Variants in RPS21 observed in about 807,000 individuals in gnomAD.
The protein encoded by RPS21 is small ribosomal subunit protein eS21.
Under a neutral mutation model 14.5 loss-of-function variants are expected in RPS21, and 6 were observed. The ratio of observed to expected loss-of-function variants is 0.41; its 90% CI spans 0.23 to 0.82. The LOEUF is 0.82. RPS21 is among the 40% of genes least tolerant of loss of function. The pLI, the probability that RPS21 is intolerant of heterozygous loss-of-function variation, is 0.31. For missense variants in RPS21, 85 were observed against 115.0 expected, an observed-to-expected ratio of 0.74 and a Z score of 1.19; for synonymous variants, 61 against 42.6, an observed-to-expected ratio of 1.43 and a Z score of -1.69.
Position 62,387,128 on chromosome 20 carries a change from T to G in RPS21, c.-27T>G. ...CCTTTCTCTCTCGCGCGCGGTGTGGTGGCAGCAGGTGTGGCGCGCGGCGCG... is the reference window on the plus strand; with the variant it reads ...CCTTTCTCTCTCGCGCGCGGTGTGGGGGCAGCAGGTGTGGCGCGCGGCGCG... On this transcript the variant is annotated 5_prime_UTR_variant, in exon 1 of 6. Coordinates refer to ENST00000343986, the MANE Select transcript of RPS21 (RefSeq NM_001024.4). 1 of 477,844 alleles carries G rather than the reference T, an allele frequency of 2.1e-6. No individual in the cohort carries two copies. Among genetic ancestry groups the G allele is most frequent in the Non-Finnish European group, 3.7e-6 (1 of 273,392 alleles). 29.6% of individuals were successfully genotyped at this position (477,844 alleles called of 1,614,324 possible). A position where few individuals can be genotyped will look rare whatever the true frequency, so the allele number is the denominator to read the frequency against.
intron 3 of RPS21, 75 bp downstream of exon 3, chr20:62,387,749 G>T: frequency 6.2e-7 from 1 of 1,614,066 alleles, no homozygotes; most frequent in Non-Finnish European, 8.5e-7. Flanking sequence ...TTGTGGAGGA[G>T]CCCCTGGGGT....
At chr20:62,387,717 G>A in intron 3 of RPS21, 43 bp downstream of exon 3, 2 of 1,614,140 alleles carry the variant, frequency 1.2e-6, no homozygotes, top group Non-Finnish European at 8.5e-7. Flanking sequence ...TGATATATGT[G>A]CGGGAAAGGC....
At position 62,387,394 on chromosome 20, in the gene RPS21, C is replaced by T. The variant is rs754565364; in HGVS notation, c.50+6C>T. 3 of 1,607,790 alleles carry T rather than the reference C, an allele frequency of 1.9e-6. No individual in the cohort carries two copies. The highest frequency in any genetic ancestry group is 2.5e-6 in the Non-Finnish European group (3 of 1,177,222). On this transcript the variant is annotated splice_donor_region_variant and intron_variant, in intron 2 of 5. Coordinates refer to ENST00000343986, the MANE Select transcript of RPS21 (RefSeq NM_001024.4). ...CTGTACGTGCCGCGGAAATGGTAAG[C>T]GCCCCCCACATGCCTCTCTTCCGTC...
At position 62,387,133 on chromosome 20, in the gene RPS21, G is replaced by A; in HGVS notation, c.-22G>A. ...CTCTCTCGCGCGCGGTGTGGTGGCA[G>A]CAGGTGTGGCGCGCGGCGCGGGCTT... is the stretch of plus-strand genomic sequence containing the variant. On this transcript the variant is annotated 5_prime_UTR_variant, in exon 1 of 6. Transcript: ENST00000343986. 2.0e-6 allele frequency: 1 copy of A among 488,158 alleles called. No homozygotes were observed. The allele number at this position is 488,158 out of a possible 1,614,324, so 30.2% of individuals were successfully genotyped here.
rs6121395 is a variant in RPS21 at position 62,388,132 on chromosome 20, G to A, written c.187-177G>A. The A allele has an allele frequency of 2.0e-5, 30 of 1,488,736 alleles. No homozygotes were observed. In the Middle Eastern group the frequency reaches 6.2e-4, roughly 31 times the overall value. 92.2% of individuals were successfully genotyped at this position (1,488,736 alleles called of 1,614,324 possible). A position where few individuals can be genotyped will look rare whatever the true frequency, so the allele number is the denominator to read the frequency against. ...GCCTCTCACTAGGAGGTGCCCCCCC[G>A]ACCCCGCTCCACCATAGTCAGGCTG... On this transcript the variant is annotated intron_variant, in intron 4 of 5. Coordinates refer to ENST00000343986, the MANE Select transcript of RPS21 (RefSeq NM_001024.4).
chr20:62,387,403 CAT>C lies in RPS21; in HGVS notation c.50+16_50+17del. 6.2e-7 allele frequency: 1 copy of C among 1,608,210 alleles called. No homozygotes were observed. Among genetic ancestry groups the C allele is most frequent in the Non-Finnish European group, 8.5e-7 (1 of 1,177,348 alleles). ...CCGCGGAAATGGTAAGCGCCCCCCA[CAT>C]GCCTCTCTTCCGTCCTTACCTAACC... On this transcript the variant is annotated intron_variant, in intron 2 of 5. Coordinates refer to ENST00000343986, the MANE Select transcript of RPS21 (RefSeq NM_001024.4).
intron 3 of RPS21, 34 bp from the exon 4 acceptor site, chr20:62,387,809 G>T (rs780730083): frequency 1.3e-5 from 21 of 1,613,738 alleles, no homozygotes; most frequent in Non-Finnish European, 1.8e-5. Context: ...CCCAAACCTG[G>T]GGGAGTGGTT....
At position 62,388,094 on chromosome 20, in the gene RPS21, G is replaced by A. The variant is rs1288380374; in HGVS notation, c.186+180G>A. On this transcript the variant is annotated intron_variant, in intron 4 of 5. Coordinates refer to ENST00000343986, the MANE Select transcript of RPS21 (RefSeq NM_001024.4). Reference sequence around the variant, plus strand: ...GAGGGGTGCTCTGAGAAGACACTCAGGCAGCAGACTCTGCCTCTCACTAGG... The same window carrying A: ...GAGGGGTGCTCTGAGAAGACACTCAAGCAGCAGACTCTGCCTCTCACTAGG... 3 of 1,534,402 alleles carry A rather than the reference G, an allele frequency of 2.0e-6. No individual in the cohort carries two copies. In the African/African-American group the frequency reaches 4.1e-5, roughly 21 times the overall value.
Position 62,387,671 on chromosome 20 carries a change from C to T in RPS21, c.111C>T (p.Ala37=). ...KDHASIQMNV[A]EVDKVTGRFN... The stretch of plus-strand genomic sequence containing the variant: ...ACGCATCCATCCAGATGAACGTGGC[C>T]GAGGTGAGCTGGGAGCCCGGGAGGC... The change falls in exon 3 of 6, where the codon GCC becomes GCT. Residue 37 remains alanine, a synonymous_variant. Transcript: ENST00000343986. 6.2e-7 allele frequency: 1 copy of T among 1,614,018 alleles called. No homozygotes were observed. Among genetic ancestry groups the T allele is most frequent in the Non-Finnish European group, 8.5e-7 (1 of 1,180,014 alleles).
At chr20:62,387,419 C>T (rs763319303) in intron 2 of RPS21, 31 bp downstream of exon 2, 4 of 1,607,076 alleles carry the variant, frequency 2.5e-6, no homozygotes, top group East Asian at 4.5e-5. Context: ...TCTCTTCCGT[C>T]CTTACCTAAC....
At chr20:62,388,019 T>C in intron 4 of RPS21, 105 bp downstream of exon 4, 1 of 1,604,848 alleles carries the variant, frequency 6.2e-7, no homozygotes, top group Non-Finnish European at 8.5e-7. Flanking sequence ...GGCAGAGTAG[T>C]TTGAGCCAGC....
At position 62,387,357 on chromosome 20, in the gene RPS21, G is replaced by C. The variant is rs765716910; in HGVS notation, c.19G>C (p.Glu7Gln). Reference sequence around the variant, plus strand: ...CCTCGAAATGCAGAACGACGCCGGCGAGTTCGTGGACCTGTACGTGCCGCG... The same window carrying C: ...CCTCGAAATGCAGAACGACGCCGGCCAGTTCGTGGACCTGTACGTGCCGCG... MQNDAG[E>Q]FVDLYVPRKC... Residue 7 changes from glutamate (E) to glutamine (Q), a missense_variant, in exon 2 of 6, where the codon GAG becomes CAG. Coordinates refer to ENST00000343986, the MANE Select transcript of RPS21 (RefSeq NM_001024.4). 6.2e-7 allele frequency: 1 copy of C among 1,606,526 alleles called. No individual in the cohort carries two copies. Among genetic ancestry groups the C allele is most frequent in the South Asian group, 1.1e-5 (1 of 89,712 alleles).
chr20:62,387,849 A>G lies in RPS21; in HGVS notation c.121A>G (p.Lys41Glu), dbSNP rs1987794443. 1.2e-6 allele frequency: 2 copies of G among 1,614,048 alleles called. No individual in the cohort carries two copies. The highest frequency in any genetic ancestry group is 1.3e-5 in the African/African-American group (1 of 74,932). ...SIQMNVAEVD[K>E]VTGRFNGQFK... ...ACCCTTCTTCTCTTTCTAGGTTGAC[A>G]AGGTCACAGGCAGGTTTAATGGCCA... Residue 41 changes from lysine to glutamate, a missense_variant, in exon 4 of 6, where the codon AAG (lysine) becomes GAG (glutamate). By Grantham distance (56) the Lys-to-Glu change is moderately conservative. Coordinates refer to ENST00000343986, the MANE Select transcript of RPS21 (RefSeq NM_001024.4).
At position 62,387,893 on chromosome 20, in the gene RPS21, C is replaced by A; in HGVS notation, c.165C>A (p.Ile55=). ...ATGGCCAGTTTAAAACTTATGCTATCTGCGGGGCCATTCGTAGGATGGTGA... is the reference window on the plus strand; with the variant it reads ...ATGGCCAGTTTAAAACTTATGCTATATGCGGGGCCATTCGTAGGATGGTGA... ...RFNGQFKTYA[I]CGAIRRMGES... is the part of the protein sequence containing the mutation. Residue 55 remains isoleucine (I), a synonymous_variant, in exon 4 of 6, where the codon ATC becomes ATA. Coordinates refer to ENST00000343986, the MANE Select transcript of RPS21 (RefSeq NM_001024.4). The A allele has an allele frequency of 6.2e-7, 1 of 1,614,196 alleles. No homozygotes were observed.
In RPS21 at chr20:62,387,639, A is replaced by G; in HGVS notation, c.79A>G (p.Lys27Glu). ...CGCTAGCAATCGCATCATCGGTGCC[A>G]AGGACCACGCATCCATCCAGATGAA... Reference protein sequence around the residue: ...CSASNRIIGAKDHASIQMNVA... With the variant: ...CSASNRIIGAEDHASIQMNVA... Residue 27 changes from lysine to glutamate, a missense_variant, in exon 3 of 6, where the codon AAG (lysine) becomes GAG (glutamate). Physicochemically the swap from Lys to Glu is moderately conservative, Grantham distance 56 (BLOSUM62 1). Transcript: ENST00000343986. 1 of 1,613,958 alleles carries G rather than the reference A, an allele frequency of 6.2e-7. No individual in the cohort carries two copies. Among genetic ancestry groups the G allele is most frequent in the Non-Finnish European group, 8.5e-7 (1 of 1,179,944 alleles).
In RPS21 at chr20:62,388,447, C is replaced by T. The variant is rs781092791; in HGVS notation, c.243-10C>T. 8.1e-6 allele frequency: 13 copies of T among 1,613,794 alleles called. No homozygotes were observed. The African/African-American group carries it at 1.5e-4, about 18-fold the overall frequency. On this transcript the variant is annotated splice_polypyrimidine_tract_variant and intron_variant, in intron 5 of 5. Coordinates refer to ENST00000343986, the MANE Select transcript of RPS21 (RefSeq NM_001024.4). The stretch of plus-strand genomic sequence containing the variant: ...GTGGTCTTAACGTTGTCCTTTTCCC[C>T]TGGTTCTAGGAACTTTTGACTGGAG...
chr20:62,387,573 C>T (rs1255223940), intron 2 of RPS21, 38 bp from the exon 3 acceptor site: 4 of 1,600,056 alleles, frequency 2.5e-6, no homozygotes, highest in African/African-American at 2.7e-5. Context: ...ATTCTTACCG[C>T]CCAAGTCCCC....
At chr20:62,388,087 ACACT>A in intron 4 of RPS21, 173 bp downstream of exon 4, 2 of 1,538,760 alleles carry the variant, frequency 1.3e-6, no homozygotes, top group Non-Finnish European at 1.8e-6. Context: ...CTCTGAGAAG[ACACT>A]CAGGCAGCAG....
chr20:62,387,566 C>G, intron 2 of RPS21, 45 bp from the exon 3 acceptor site: 3 of 1,596,564 alleles, frequency 1.9e-6, no homozygotes, highest in Non-Finnish European at 2.6e-6. Context: ...CTCTTTCATT[C>G]TTACCGCCCA....
Sources: allele counts gnomAD v4.1 joint callset, GRCh38; gene constraint gnomAD v4.1.1; transcripts MANE v1.5; gene names NCBI Gene and HGNC (gene_info 2026-07-23, HGNC 2026-07-21).